The following HSPA12A variants were observed in gnomAD, a reference collection of about 807,000 sequenced individuals.
The protein encoded by HSPA12A is heat shock protein family A (Hsp70) member 12A.
HSPA12A carries 28 observed loss-of-function variants against 69.2 expected under a neutral mutation model. The observed-to-expected ratio is 0.40, with a 90% CI of 0.30 to 0.55. HSPA12A has a LOEUF of 0.55. Ranked by LOEUF, HSPA12A falls within the 20% of genes least tolerant of loss-of-function variation. The pLI is 0.38. For missense variants in HSPA12A, 686 were observed against 900.7 expected (o/e 0.76, Z 3.05); for synonymous variants, 345 against 370.5 (o/e 0.93, Z 0.79).
rs190847517 is a variant in HSPA12A at position 116,815,483 on chromosome 10, G to A, written c.91+19452C>T. On this transcript the variant is annotated intron_variant, in intron 2 of 12. Transcript: ENST00000635765. ...CCAGCTACTCAGGAGGCTGAGGCAG[G>A]AGAATTGCTTGAACTCAGGACACGG... is the stretch of plus-strand genomic sequence containing the variant. Among the ~76,000 whole-genome samples, 4 of 152,324 alleles carry A rather than the reference G, an allele frequency of 2.6e-5. No homozygotes were observed. In the East Asian group the frequency reaches 5.8e-4, roughly 22 times the overall value.
At chr10:116,810,931 T>C (rs986546168) in intron 2 of HSPA12A, among the ~76,000 whole-genome samples, 2 of 152,004 alleles carry the variant, frequency 1.3e-5, no homozygotes, top group Non-Finnish European at 2.9e-5. Context: ...AAAAGAAAAA[T>C]GTGGTCCTGC....
chr10:116,799,430 C>G (rs1844907113), intron 2 of HSPA12A, among the ~76,000 whole-genome samples: 1 of 152,220 alleles, frequency 6.6e-6, no homozygotes, highest in South Asian at 2.1e-4. Context: ...TTCCAGCTTC[C>G]CACATACTGC....
At chr10:116,810,322 C>CCCTGGT (rs1220382363) in intron 2 of HSPA12A, among the ~76,000 whole-genome samples, 8 of 152,104 alleles carry the variant, frequency 5.3e-5, no homozygotes, top group African/African-American at 1.9e-4. Flanking sequence ...CAGCCCCACG[C>CCCTGGT]CCTGGTCCTG....
chr10:116,801,964 TAA>T (rs1844966379), intron 2 of HSPA12A, among the ~76,000 whole-genome samples: 1 of 152,170 alleles, frequency 6.6e-6, no homozygotes, highest in Non-Finnish European at 1.5e-5. Context: ...TGTGTGAGTC[TAA>T]AATCATTTCA....
At chr10:116,763,271 T>G (rs1280413562) in intron 2 of HSPA12A, among the ~76,000 whole-genome samples, 2 of 152,210 alleles carry the variant, frequency 1.3e-5, no homozygotes, top group African/African-American at 4.8e-5. Flanking sequence ...CTTTTCTATC[T>G]CAATGTACAT....
At chr10:116,792,527 A>G (rs190644893) in intron 2 of HSPA12A, among the ~76,000 whole-genome samples, 2 of 151,210 alleles carry the variant, frequency 1.3e-5, no homozygotes, top group East Asian at 3.9e-4. Flanking sequence ...CCGTAATCCC[A>G]GCACTTTGGG....
In HSPA12A at chr10:116,703,223, A is replaced by G. The variant is rs146942506; in HGVS notation, c.254+1928T>C. 4.0e-3 allele frequency among the ~76,000 whole-genome samples: 603 copies of G among 152,302 alleles called. 8 individuals are homozygous for G. Among genetic ancestry groups the G allele is most frequent in the Non-Finnish European group, 2.7e-3 (185 of 68,036 alleles). On this transcript the variant is annotated intron_variant, in intron 3 of 11. Coordinates refer to ENST00000369209, the MANE Select transcript of HSPA12A (RefSeq NM_025015.3). ...TTTCATCATTTCCTGATGACATGAC[A>G]CCCAGGAGTGTCTGTACCCTCTTAG...
intron 2 of HSPA12A, among the ~76,000 whole-genome samples, chr10:116,783,014 A>G (rs1038905829): frequency 1.2e-4 from 19 of 152,186 alleles, no homozygotes; most frequent in Non-Finnish European, 2.9e-5. Flanking sequence ...GAAATGACAA[A>G]TGTCTCCTGC....
intron 2 of HSPA12A, chr10:116,749,920 T>C: frequency 5.8e-6 from 1 of 173,022 alleles, no homozygotes; most frequent in Non-Finnish European, 1.3e-5. Context: ...TTGTTAAAGT[T>C]GTCAAGAATA....
In HSPA12A at chr10:116,675,432, G is replaced by A. The variant is rs1554877564; in HGVS notation, c.1391-14C>T. On this transcript the variant is annotated splice_polypyrimidine_tract_variant and intron_variant, in intron 11 of 11. Coordinates refer to ENST00000369209, the MANE Select transcript of HSPA12A (RefSeq NM_025015.3). This position sits in a 1 kb window ranked among gnomAD's most constrained non-coding sequence, Gnocchi z 5.2. ...GAAACAGGTCCCCTGGAAGGGAAGA[G>A]GCAGGGAGAATGTCCTGTCACCAAA... 2 of 1,558,736 alleles carry A rather than the reference G, an allele frequency of 1.3e-6. No homozygotes were observed. Among genetic ancestry groups the A allele is most frequent in the Non-Finnish European group, 1.7e-6 (2 of 1,152,946 alleles).
At chr10:116,683,638 G>T (rs1207367522) in intron 7 of HSPA12A, 153 bp downstream of exon 7, 4 of 627,364 alleles carry the variant, frequency 6.4e-6, no homozygotes, top group African/African-American at 1.9e-5. Flanking sequence ...AGGTAGGGGG[G>T]CTGAGCAGAG....
intron 2 of HSPA12A, chr10:116,749,921 G>A (rs1476667092): frequency 1.2e-5 from 2 of 173,288 alleles, no homozygotes; most frequent in Admixed American, 1.1e-4. Context: ...TGTTAAAGTT[G>A]TCAAGAATAA....
In HSPA12A at chr10:116,786,641, T is replaced by G. The variant is rs117822306; in HGVS notation, c.91+48294A>C. ...CTATTAGAATCTCCTGGGGAATTAT[T>G]TATTTATTTATTTATTGAGACAGAG... is the stretch of plus-strand genomic sequence containing the variant. On this transcript the variant is annotated intron_variant, in intron 2 of 12. Coordinates refer to the HSPA12A transcript ENST00000635765. 2.7e-4 allele frequency among the ~76,000 whole-genome samples: 41 copies of G among 152,076 alleles called. No homozygotes were observed. In the East Asian group the frequency reaches 7.6e-3, roughly 28 times the overall value.
intron 4 of HSPA12A, 78 bp from the exon 5 acceptor site, chr10:116,698,817 G>C (rs1849995176): frequency 8.7e-7 from 1 of 1,150,030 alleles, no homozygotes; most frequent in South Asian, 1.3e-5. Context: ...ACTGCTCCAA[G>C]GGGACCTAGA....
In HSPA12A at chr10:116,698,750, G is replaced by A. The variant is rs782256696; in HGVS notation, c.442-11C>T. On this transcript the variant is annotated splice_polypyrimidine_tract_variant and intron_variant, in intron 4 of 11. Coordinates refer to ENST00000369209, the MANE Select transcript of HSPA12A (RefSeq NM_025015.3). ...ATCCATGGTGAGGTCCTGGTAGGAG[G>A]AAGAGGAACAATAGTAAGAAGATGA... The A allele has an allele frequency of 6.9e-6, 11 of 1,598,498 alleles. No individual in the cohort carries two copies. Among genetic ancestry groups the A allele is most frequent in the Admixed American group, 3.3e-5 (2 of 59,998 alleles).
At position 116,798,472 on chromosome 10, in the gene HSPA12A, T is replaced by C. The variant is rs186630957; in HGVS notation, c.91+36463A>G. On this transcript the variant is annotated intron_variant, in intron 2 of 12. Coordinates refer to the HSPA12A transcript ENST00000635765. ...TTGGGATCACAGCCCACATTAGCAA[T>C]GTTCAAGTGAGTTTCAGTAGCATAG... 7.2e-4 allele frequency among the ~76,000 whole-genome samples: 109 copies of C among 152,290 alleles called. 1 individual carries two copies. The highest frequency in any genetic ancestry group is 3.4e-3 in the Middle Eastern group (1 of 294).
intron 2 of HSPA12A, among the ~76,000 whole-genome samples, chr10:116,819,819 AACTTATAG>A (rs1411081406): frequency 5.9e-5 from 9 of 152,178 alleles, no homozygotes; most frequent in Admixed American, 3.9e-4. Context: ...GTTTGTAAAC[AACTTATAG>A]GATTTTTTGG....
At chr10:116,729,034 A>G (rs1441979135) in intron 1 of HSPA12A, among the ~76,000 whole-genome samples, 2 of 152,194 alleles carry the variant, frequency 1.3e-5, no homozygotes, top group East Asian at 3.9e-4. Context: ...TTTTAGGCCA[A>G]ACCTCACTAG....
Position 116,730,126 on chromosome 10 carries a change from T to C in HSPA12A, c.40+12304A>G, listed in dbSNP as rs145269251. Among the ~76,000 whole-genome samples, 972 of 152,288 alleles carry C rather than the reference T, an allele frequency of 6.4e-3. 5 individuals carry two copies. Among genetic ancestry groups the C allele is most frequent in the Non-Finnish European group, 0.01 (694 of 68,026 alleles). On this transcript the variant is annotated intron_variant, in intron 1 of 11. Transcript: ENST00000369209. ...TGAACCCTGGAGGCAGAGGTTGCAG[T>C]AAGCTGAGATGGTGCCACTGCACTC...
Sources: allele counts gnomAD v4.1 joint callset (sites outside exome capture counted in the v4.1 genomes callset), GRCh38; gene constraint gnomAD v4.1.1; non-coding constraint Gnocchi (gnomAD v3.1); transcripts MANE v1.5; gene names NCBI Gene and HGNC (gene_info 2026-07-23, HGNC 2026-07-21).